Variants in CSMD1 observed in about 807,000 individuals in gnomAD.
CSMD1 encodes CUB and Sushi multiple domains 1.
CSMD1 carries 213 observed loss-of-function variants against 417.5 expected under a neutral mutation model. The ratio of observed to expected loss-of-function variants is 0.51; its 90% CI spans 0.46 to 0.57. The LOEUF (loss-of-function observed/expected upper bound fraction) is 0.57, where lower values mean the gene tolerates loss of function less well. Ranked by LOEUF, CSMD1 falls within the 20% of genes least tolerant of loss-of-function variation. The pLI is 0.00. For synonymous variants in CSMD1, 2,862 were observed against 1,736.8 expected (o/e 1.65, Z -16.11); for missense variants, 6,923 against 4,529.7 (o/e 1.53, Z -15.17).
At chr8:4,379,960 A>C (rs943841616) in intron 3 of CSMD1, among the ~76,000 whole-genome samples, 1 of 152,248 alleles carries the variant, frequency 6.6e-6, no homozygotes, top group African/African-American at 2.4e-5. Flanking sequence ...AAGAGTCGCC[A>C]CTTTGTAGAA....
At chr8:3,026,671 C>G (rs1809956166) in intron 51 of CSMD1, among the ~76,000 whole-genome samples, 1 of 152,232 alleles carries the variant, frequency 6.6e-6, no homozygotes, top group Non-Finnish European at 1.5e-5. Context: ...AGACCGTGAG[C>G]AGAGGATCCA....
At chr8:3,066,832 G>T (rs1468251884) in intron 49 of CSMD1, among the ~76,000 whole-genome samples, 1 of 152,092 alleles carries the variant, frequency 6.6e-6, no homozygotes, top group Non-Finnish European at 1.5e-5. Flanking sequence ...CAATTCCTCT[G>T]GCCTCAAAAA....
intron 7 of CSMD1, among the ~76,000 whole-genome samples, chr8:3,678,429 G>C (rs1464345013): frequency 1.3e-5 from 2 of 152,158 alleles, no homozygotes; most frequent in Non-Finnish European, 2.9e-5. Flanking sequence ...CTGGAAGAAA[G>C]GGTATCAGTG....
chr8:3,755,550 G>A (rs1376283625), intron 5 of CSMD1, among the ~76,000 whole-genome samples: 1 of 152,062 alleles, frequency 6.6e-6, no homozygotes, highest in South Asian at 2.1e-4. Flanking sequence ...GAGCGCCGCA[G>A]CTGCTTGGTA....
intron 28 of CSMD1, among the ~76,000 whole-genome samples, chr8:3,223,197 T>A (rs1798314002): frequency 6.6e-6 from 1 of 152,236 alleles, no homozygotes; most frequent in South Asian, 2.1e-4. Context: ...TTCCATCGTC[T>A]AGTTTAGCAA....
chr8:4,197,183 T>A (rs1250478695), intron 3 of CSMD1, among the ~76,000 whole-genome samples: 1 of 152,160 alleles, frequency 6.6e-6, no homozygotes, highest in African/African-American at 2.4e-5. Context: ...AAAATGTGTA[T>A]AAAAGTCCTA....
At chr8:4,955,626 T>C (rs1280154359) in intron 1 of CSMD1, among the ~76,000 whole-genome samples, 2 of 152,084 alleles carry the variant, frequency 1.3e-5, no homozygotes, top group African/African-American at 4.8e-5. Context: ...CGGCTAATTT[T>C]TGTATTTTTA....
At position 4,911,620 on chromosome 8, in the gene CSMD1, T is replaced by G. The variant is rs113248135; in HGVS notation, c.85+82712A>C. On this transcript the variant is annotated intron_variant, in intron 1 of 69. Transcript: ENST00000635120. The stretch of plus-strand genomic sequence containing the variant: ...CTCCTGACAGAAGCGTTTAACTTCC[T>G]GTGAGGAAATGTTCATATAATTTAC... Among the ~76,000 whole-genome samples, 500 of 152,346 alleles carry G rather than the reference T, an allele frequency of 3.3e-3. 4 individuals are homozygous for G. Among genetic ancestry groups the G allele is most frequent in the African/African-American group, 0.012 (480 of 41,584 alleles).
chr8:3,177,162 C>A (rs555112313), intron 37 of CSMD1, among the ~76,000 whole-genome samples: 1 of 152,134 alleles, frequency 6.6e-6, no homozygotes, highest in Admixed American at 6.6e-5. Flanking sequence ...TGGGGAAAGG[C>A]GACCAGAAAA....
intron 1 of CSMD1, among the ~76,000 whole-genome samples, chr8:4,716,089 G>A (rs1312640323): frequency 2.0e-5 from 3 of 152,162 alleles, no homozygotes; most frequent in Non-Finnish European, 4.4e-5. Flanking sequence ...TGGGTTGGGG[G>A]CAGGGACTCT....
chr8:4,416,077 G>C (rs898866056), intron 3 of CSMD1, among the ~76,000 whole-genome samples: 3 of 152,134 alleles, frequency 2.0e-5, no homozygotes, highest in Non-Finnish European at 2.9e-5. Flanking sequence ...CATGAATAAA[G>C]TCTTTGCCAA....
intron 5 of CSMD1, among the ~76,000 whole-genome samples, chr8:3,784,233 G>T (rs567810983): frequency 6.6e-6 from 1 of 152,014 alleles, no homozygotes; most frequent in Non-Finnish European, 1.5e-5. Context: ...TTTTTTAAAA[G>T]GATGTGTAAA....
chr8:4,540,449 T>C (rs530334492), intron 2 of CSMD1, among the ~76,000 whole-genome samples: 9 of 152,232 alleles, frequency 5.9e-5, no homozygotes, highest in Admixed American at 3.9e-4. Context: ...ATGCCTGTAA[T>C]TCCAGGACTT....
Position 3,505,211 on chromosome 8 carries a change from G to A in CSMD1, c.1345-11485C>T, listed in dbSNP as rs565343796. On this transcript the variant is annotated intron_variant, in intron 10 of 69. Coordinates refer to ENST00000635120, the MANE Select transcript of CSMD1 (RefSeq NM_033225.6). ...ATGAGAGACTGGGAATGTAAAAGTC[G>A]CAATGCAATAATGGATATAGAATAA... Among the ~76,000 whole-genome samples the A allele has an allele frequency of 4.6e-5, 7 of 152,184 alleles. No homozygotes were observed. In the South Asian group the frequency reaches 6.2e-4, roughly 14 times the overall value.
chr8:4,325,439 G>T (rs1217325211), intron 3 of CSMD1, among the ~76,000 whole-genome samples: 1 of 152,116 alleles, frequency 6.6e-6, no homozygotes, highest in African/African-American at 2.4e-5. Context: ...GGCAATACAT[G>T]GTATTTACTT....
At chr8:4,823,075 T>A (rs1350799757) in intron 1 of CSMD1, among the ~76,000 whole-genome samples, 1 of 152,100 alleles carries the variant, frequency 6.6e-6, no homozygotes, top group Non-Finnish European at 1.5e-5. Context: ...TCCACTAAAT[T>A]TATTTTAAGT....
intron 54 of CSMD1, among the ~76,000 whole-genome samples, chr8:2,982,460 G>T (rs1805507164): frequency 6.6e-6 from 1 of 152,226 alleles, no homozygotes. Context: ...TTCCTATCCA[G>T]TAATGTCCCC....
chr8:3,131,761 T>G (rs910999953), intron 41 of CSMD1, among the ~76,000 whole-genome samples: 7 of 152,202 alleles, frequency 4.6e-5, no homozygotes, highest in Non-Finnish European at 5.9e-5. Context: ...CATGAGCCAC[T>G]GTGCCCAGCC....
At chr8:3,909,162 G>A (rs893385437) in intron 5 of CSMD1, among the ~76,000 whole-genome samples, 2 of 152,212 alleles carry the variant, frequency 1.3e-5, no homozygotes, top group African/African-American at 2.4e-5. Context: ...GTCCTTTGGA[G>A]ACTGGGTCAG....
Sources: gnomAD v4.1 joint callset for allele counts (sites outside exome capture counted in the v4.1 genomes callset) on GRCh38, gnomAD v4.1.1 for gene constraint, MANE v1.5 for transcripts, NCBI Gene and HGNC (gene_info 2026-07-23, HGNC 2026-07-21) for gene names.